Variants in TMEM266 observed in about 807,000 individuals in gnomAD.
TMEM266 encodes transmembrane protein 266.
A neutral mutation model predicts 50.5 loss-of-function variants in TMEM266; 33 were observed. That is an observed-to-expected ratio of 0.65 (90% confidence interval 0.50 to 0.87). The LOEUF (loss-of-function observed/expected upper bound fraction) is 0.87, where lower values mean the gene tolerates loss of function less well. Ranked by LOEUF, TMEM266 falls within the 40% of genes least tolerant of loss-of-function variation. The pLI is 0.00. For synonymous variants in TMEM266, 310 were observed against 292.3 expected, an observed-to-expected ratio of 1.06 and a Z score of -0.62; for missense variants, 655 against 695.1, an observed-to-expected ratio of 0.94 and a Z score of 0.65.
intron 1 of TMEM266, among the ~76,000 whole-genome samples, chr15:76,115,529 G>A (rs888834740): frequency 2.6e-5 from 4 of 152,074 alleles, no homozygotes; most frequent in African/African-American, 7.2e-5. Flanking sequence ...CACCACCTGC[G>A]TCCTGGCCAC....
chr15:76,178,059 G>A (rs766549724), intron 8 of TMEM266, among the ~76,000 whole-genome samples: 30 of 152,214 alleles, frequency 2.0e-4, no homozygotes, highest in Admixed American at 1.8e-3. Context: ...GGGCCATTTA[G>A]AGGGTGAGCA....
chr15:76,099,172 G>A (rs2036962793), intron 1 of TMEM266, among the ~76,000 whole-genome samples: 1 of 152,202 alleles, frequency 6.6e-6, no homozygotes, highest in Non-Finnish European at 1.5e-5. Context: ...CTGCCCAAGT[G>A]GCCACCCAGT....
At chr15:76,165,893 G>A (rs944008892) in intron 5 of TMEM266, among the ~76,000 whole-genome samples, 3 of 152,182 alleles carry the variant, frequency 2.0e-5, no homozygotes, top group East Asian at 1.9e-4. Flanking sequence ...GTTGTAACCC[G>A]GGGCAGGGTC....
chr15:76,181,305 T>A (rs1315902424), intron 8 of TMEM266: 2 of 152,256 alleles, frequency 1.3e-5, no homozygotes, highest in African/African-American at 4.8e-5. Flanking sequence ...GCTTCACTGC[T>A]TCCCTCATTC....
chr15:76,147,353 G>A (rs2037771320), intron 3 of TMEM266, among the ~76,000 whole-genome samples: 1 of 152,240 alleles, frequency 6.6e-6, no homozygotes, highest in Non-Finnish European at 1.5e-5. Context: ...GGGTTATGAG[G>A]CAGATTGATC....
chr15:76,160,101 G>T lies in TMEM266; in HGVS notation c.389G>T (p.Ser130Ile). 1 of 1,614,140 alleles carries T rather than the reference G, an allele frequency of 6.2e-7. No homozygotes were observed. The change falls in exon 5 of 11, where the codon AGC becomes ATC. Residue 130 changes from serine (S) to isoleucine (I), a missense_variant. Ser to Ile is a moderately radical substitution (Grantham distance 142). Around this residue, in one of 3 missense-constraint regions of TMEM266, gnomAD observed 101 missense variants for 182.6 expected, o/e 0.55. Coordinates refer to ENST00000388942, the MANE Select transcript of TMEM266 (RefSeq NM_152335.3). This position sits in a 1 kb window ranked among gnomAD's most constrained non-coding sequence, Gnocchi z 5.7. ...CTTATCGTGTCCATTGCAGTTTCCA[G>T]CGCATTCCAGTTTGCTGGCGTGATT...
chr15:76,126,972 A>T (rs1399602766), intron 1 of TMEM266, among the ~76,000 whole-genome samples: 2 of 152,220 alleles, frequency 1.3e-5, no homozygotes, highest in Non-Finnish European at 2.9e-5. Context: ...CAGTTATAAA[A>T]TGAATACATG....
chr15:76,156,264 G>T (rs1440844825), intron 3 of TMEM266, among the ~76,000 whole-genome samples: 4 of 152,174 alleles, frequency 2.6e-5, no homozygotes, highest in Non-Finnish European at 5.9e-5. Context: ...GGAGCCTGAG[G>T]CAGGAGAATT....
chr15:76,203,783 C>G lies in TMEM266; in HGVS notation c.1064C>G (p.Ala355Gly), dbSNP rs1438550888. Residue 355 changes from alanine to glycine, a missense_variant, in exon 11 of 11, where the codon GCC (alanine) becomes GGC (glycine). This residue lies in a region of TMEM266 where 455 missense variants were observed against 401.8 expected (regional missense o/e 1.13). Coordinates refer to ENST00000388942, the MANE Select transcript of TMEM266 (RefSeq NM_152335.3). Reference sequence around the variant, plus strand: ...CCAGCTGTGTGTATGGTCACCACGGCCGCAATAGACATTCACCAGCCCAAC... The same window carrying G: ...CCAGCTGTGTGTATGGTCACCACGGGCGCAATAGACATTCACCAGCCCAAC... The G allele has an allele frequency of 6.2e-7, 1 of 1,614,004 alleles. No individual in the cohort carries two copies. The highest frequency in any genetic ancestry group is 1.3e-5 in the African/African-American group (1 of 74,914).
intron 3 of TMEM266, among the ~76,000 whole-genome samples, chr15:76,142,386 C>T (rs750821077): frequency 2.0e-5 from 3 of 152,090 alleles, no homozygotes; most frequent in Non-Finnish European, 4.4e-5. Flanking sequence ...AGCGAGACTC[C>T]GTCTCAAAAT....
intron 1 of TMEM266, among the ~76,000 whole-genome samples, chr15:76,099,480 T>G (rs1456101851): frequency 6.6e-6 from 1 of 152,234 alleles, no homozygotes; most frequent in Non-Finnish European, 1.5e-5. Context: ...ATCTTCTGTG[T>G]CGACCTCGCT....
At chr15:76,193,507 C>T (rs555726146) in intron 9 of TMEM266, among the ~76,000 whole-genome samples, 1 of 152,308 alleles carries the variant, frequency 6.6e-6, no homozygotes, top group East Asian at 1.9e-4. Flanking sequence ...AGGCATGAGC[C>T]ACTGTGTCCA....
At chr15:76,080,121 C>T (rs2036665095) in intron 1 of TMEM266, among the ~76,000 whole-genome samples, 1 of 150,842 alleles carries the variant, frequency 6.6e-6, no homozygotes. Flanking sequence ...AGTCCCAGCA[C>T]TTTGGGAGGC....
intron 1 of TMEM266, among the ~76,000 whole-genome samples, chr15:76,060,297 C>T (rs187266466): frequency 6.6e-6 from 1 of 152,048 alleles, no homozygotes; most frequent in African/African-American, 2.4e-5. Flanking sequence ...CTGCAGATGC[C>T]TTACCTCCCA....
chr15:76,180,164 C>A (rs2038376127), intron 8 of TMEM266, among the ~76,000 whole-genome samples: 2 of 152,180 alleles, frequency 1.3e-5, no homozygotes, highest in Non-Finnish European at 2.9e-5. Flanking sequence ...GGCTGCCCAT[C>A]ATTAACATCA....
chr15:76,133,327 T>G (rs2037542095), intron 1 of TMEM266, among the ~76,000 whole-genome samples: 2 of 151,640 alleles, frequency 1.3e-5, no homozygotes, highest in African/African-American at 4.9e-5. Context: ...CCCCAGCTAC[T>G]TTGGGAGGCT....
intron 1 of TMEM266, among the ~76,000 whole-genome samples, chr15:76,075,573 A>G (rs753384011): frequency 3.9e-5 from 6 of 152,024 alleles, no homozygotes; most frequent in Non-Finnish European, 7.4e-5. Flanking sequence ...CAATCAGGCA[A>G]TTCTCCCTCA....
intron 1 of TMEM266, among the ~76,000 whole-genome samples, chr15:76,119,466 A>T (rs1046184585): frequency 6.6e-6 from 1 of 151,872 alleles, no homozygotes; most frequent in African/African-American, 2.4e-5. Flanking sequence ...GAAACAATTC[A>T]TAGAAATATT....
At chr15:76,074,809 G>A (rs1223831276) in intron 1 of TMEM266, among the ~76,000 whole-genome samples, 1 of 152,064 alleles carries the variant, frequency 6.6e-6, no homozygotes, top group Non-Finnish European at 1.5e-5. Flanking sequence ...CAGTAACCCA[G>A]GTAAGAGATG....
Sources: gnomAD v4.1 joint callset for allele counts (sites outside exome capture counted in the v4.1 genomes callset) on GRCh38, gnomAD v4.1.1 for gene constraint, gnomAD v4.1.1 regional missense constraint, Gnocchi (gnomAD v3.1) non-coding constraint, MANE v1.5 for transcripts, NCBI Gene and HGNC (gene_info 2026-07-23, HGNC 2026-07-21) for gene names.